Variants in BCAS3 observed in about 807,000 individuals in gnomAD.
The protein encoded by BCAS3 is BCAS4/BCAS3 fusion.
In BCAS3, 53 loss-of-function variants were observed where a neutral mutation model predicts 116.1. The observed-to-expected ratio is 0.46, with a 90% CI of 0.37 to 0.57. BCAS3 has a LOEUF of 0.57. Ranked by LOEUF, BCAS3 falls within the 20% of genes least tolerant of loss-of-function variation. The probability of loss-of-function intolerance (pLI) is 0.00; values close to 1 mark genes in which losing one functional copy is unlikely to be tolerated. For synonymous variants in BCAS3, 391 were observed against 408.2 expected (o/e 0.96, Z 0.51); for missense variants, 917 against 1,165.4 (o/e 0.79, Z 3.10).
Position 61,387,669 on chromosome 17 carries a change from A to G in BCAS3, c.2594-4308A>G, listed in dbSNP as rs2059925915. On this transcript the variant is annotated intron_variant, in intron 23 of 23. Coordinates refer to ENST00000407086, the MANE Select transcript of BCAS3 (RefSeq NM_017679.5). This position sits in a 1 kb window ranked among gnomAD's most constrained non-coding sequence, Gnocchi z 6.2. ...AACAGGCCCATTTCCAATATGAGCCAACAGGGAATGGCTCTCCAGCATGGG... is the reference window on the plus strand; with the variant it reads ...AACAGGCCCATTTCCAATATGAGCCGACAGGGAATGGCTCTCCAGCATGGG... Among the ~76,000 whole-genome samples the G allele has an allele frequency of 1.3e-5, 2 of 152,172 alleles. No individual in the cohort carries two copies. The highest frequency in any genetic ancestry group is 2.1e-4 in the South Asian group (1 of 4,828).
rs1313885131 is a variant in BCAS3, at chr17:61,118,912, C to G, written c.2425+34348C>G. On this transcript the variant is annotated intron_variant, in intron 22 of 23. Transcript: ENST00000407086. The surrounding 1 kb of genome is among the most constrained non-coding windows in gnomAD (Gnocchi z 5.0). ...TTCTTATTGCATACTAACACTACCC[C>G]CAAAATGCATTTTGCTTTTTAAATT... Among the ~76,000 whole-genome samples the G allele has an allele frequency of 1.3e-5, 2 of 151,938 alleles. No homozygotes were observed. Among genetic ancestry groups the G allele is most frequent in the East Asian group, 3.9e-4 (2 of 5,188 alleles).
intron 4 of BCAS3, 52 bp downstream of exon 4, chr17:60,689,813 ACCTGATTCC>A: frequency 8.1e-7 from 1 of 1,235,846 alleles, no homozygotes; most frequent in Admixed American, 1.9e-5. Context: ...TGTTTGGAGT[ACCTGATTCC>A]AAAAAGAGAG....
chr17:61,295,613 G>A (rs1262155138), intron 22 of BCAS3, among the ~76,000 whole-genome samples: 1 of 152,058 alleles, frequency 6.6e-6, no homozygotes, highest in Non-Finnish European at 1.5e-5. Flanking sequence ...TACCACTCAG[G>A]TCAAAAAACT....
intron 22 of BCAS3, among the ~76,000 whole-genome samples, chr17:61,191,361 A>C (rs2080100625): frequency 6.6e-6 from 1 of 152,220 alleles, no homozygotes; most frequent in African/African-American, 2.4e-5. Flanking sequence ...ATAGGACAAT[A>C]ATAAAACAAT....
At chr17:60,773,805 G>A (rs868766090) in intron 6 of BCAS3, among the ~76,000 whole-genome samples, 1 of 152,040 alleles carries the variant, frequency 6.6e-6, no homozygotes, top group Non-Finnish European at 1.5e-5. Flanking sequence ...ACGCCACCAT[G>A]CCTGGCTAAT....
chr17:61,052,383 T>C (rs1363371263), intron 19 of BCAS3, among the ~76,000 whole-genome samples: 1 of 152,176 alleles, frequency 6.6e-6, no homozygotes, highest in Non-Finnish European at 1.5e-5. Context: ...ATTTGGATCT[T>C]CTTTATATCT....
chr17:61,385,354 G>T (rs1410508553), intron 23 of BCAS3, among the ~76,000 whole-genome samples: 1 of 152,172 alleles, frequency 6.6e-6, no homozygotes, highest in African/African-American at 2.4e-5. Flanking sequence ...TGCATAGCTG[G>T]TCCTGTTTGC....
chr17:60,792,376 G>A (rs547445721), intron 6 of BCAS3, among the ~76,000 whole-genome samples: 1 of 152,312 alleles, frequency 6.6e-6, no homozygotes, highest in South Asian at 2.1e-4. Context: ...AGCAGTGGGT[G>A]AACCCCCCGC....
In BCAS3 at chr17:61,077,244, G is replaced by A. The variant is rs191842290; in HGVS notation, c.2131-1089G>A. Among the ~76,000 whole-genome samples, 87 of 152,198 alleles carry A rather than the reference G, an allele frequency of 5.7e-4. No individual in the cohort carries two copies. The highest frequency in any genetic ancestry group is 3.5e-3 in the South Asian group (17 of 4,822). The stretch of plus-strand genomic sequence containing the variant: ...TTTAATAAAGTATTGGCGGCCGGGC[G>A]CAGTGGCTCACGCCTGTAATCCCAG... On this transcript the variant is annotated intron_variant, in intron 20 of 23. Transcript: ENST00000407086. This position sits in a 1 kb window ranked among gnomAD's most constrained non-coding sequence, Gnocchi z 4.3.
chr17:60,960,697 C>G lies in BCAS3; in HGVS notation c.1221+13345C>G, dbSNP rs1471522539. ...TCATACATTTTATTGAAGGGTAGCA[C>G]AGGTTTGCACCTAGGTAGCTCTATC... is the stretch of plus-strand genomic sequence containing the variant. On this transcript the variant is annotated intron_variant, in intron 14 of 23. Coordinates refer to ENST00000407086, the MANE Select transcript of BCAS3 (RefSeq NM_017679.5). The surrounding 1 kb of genome is among the most constrained non-coding windows in gnomAD (Gnocchi z 4.1). 6.6e-6 allele frequency among the ~76,000 whole-genome samples: 1 copy of G among 151,988 alleles called. No individual in the cohort carries two copies. The highest frequency in any genetic ancestry group is 6.6e-5 in the Admixed American group (1 of 15,250).
intron 6 of BCAS3, among the ~76,000 whole-genome samples, chr17:60,781,962 CTTCTGTCAT>C (rs1426442464): frequency 6.6e-6 from 1 of 151,946 alleles, no homozygotes; most frequent in African/African-American, 2.4e-5. Flanking sequence ...TTCTTCCTGT[CTTCTGTCAT>C]TGTCCTCACC....
rs556001261 is a variant in BCAS3 at position 60,689,214 on chromosome 17, C to T, written c.139-472C>T. Among the ~76,000 whole-genome samples, 5 of 152,258 alleles carry T rather than the reference C, an allele frequency of 3.3e-5. 1 individual carries two copies. The South Asian group carries it at 1.0e-3, about 32-fold the overall frequency. On this transcript the variant is annotated intron_variant, in intron 3 of 23. Transcript: ENST00000407086. Reference sequence around the variant, plus strand: ...TGGGGGACAGAGTCTTGCTCAGTCGCCTAGGCTGGAGTGCGGTGGCACGAT... The same window carrying T: ...TGGGGGACAGAGTCTTGCTCAGTCGTCTAGGCTGGAGTGCGGTGGCACGAT...
chr17:60,887,939 A>G (rs1270372427), intron 9 of BCAS3, among the ~76,000 whole-genome samples: 1 of 152,214 alleles, frequency 6.6e-6, no homozygotes, highest in Non-Finnish European at 1.5e-5. Context: ...AATTCTTTTA[A>G]CATCCAGTTC....
chr17:60,726,107 C>A (rs532570560), intron 5 of BCAS3, among the ~76,000 whole-genome samples: 1 of 150,320 alleles, frequency 6.7e-6, no homozygotes, highest in East Asian at 2.0e-4. Flanking sequence ...GTTGGTCAGG[C>A]TGGTCTCGAA....
intron 4 of BCAS3, among the ~76,000 whole-genome samples, chr17:60,695,709 C>T (rs2035505187): frequency 6.6e-6 from 1 of 152,166 alleles, no homozygotes; most frequent in African/African-American, 2.4e-5. Context: ...TATGATCCTC[C>T]TGCCTTAGCC....
chr17:61,086,808 G>GTCCTT (rs2073128817), intron 22 of BCAS3: 1 of 985,254 alleles, frequency 1.0e-6, no homozygotes, highest in Admixed American at 6.2e-5. Flanking sequence ...CATAGATAAG[G>GTCCTT]AATTGGACTT....
rs900106469 is a variant in BCAS3, at chr17:60,936,501, C to G, written c.1088-10718C>G. Among the ~76,000 whole-genome samples, 10 of 152,206 alleles carry G rather than the reference C, an allele frequency of 6.6e-5. 1 individual carries two copies. The East Asian group carries it at 1.9e-3, about 29-fold the overall frequency. ...CAGTGTAAAAGTGTTCCTATTTCTC[C>G]ACATCCTCTCCAGCACCTGTTGTTT... On this transcript the variant is annotated intron_variant, in intron 13 of 23. Coordinates refer to ENST00000407086, the MANE Select transcript of BCAS3 (RefSeq NM_017679.5).
In BCAS3 at chr17:61,186,351, G is replaced by A. The variant is rs547297762; in HGVS notation, c.2425+101787G>A. On this transcript the variant is annotated intron_variant, in intron 22 of 23. Transcript: ENST00000407086. This position sits in a 1 kb window ranked among gnomAD's most constrained non-coding sequence, Gnocchi z 4.9. ...CTTAGCTGTTTTCACTAGTATATAC[G>A]TATAAATGTATACTGCTTAACGAAA... Among the ~76,000 whole-genome samples the A allele has an allele frequency of 4.6e-5, 7 of 152,112 alleles. No individual in the cohort carries two copies. In the South Asian group the frequency reaches 1.5e-3, roughly 32 times the overall value.
intron 7 of BCAS3, chr17:60,851,809 T>A: frequency 7.8e-7 from 1 of 1,287,022 alleles, no homozygotes; most frequent in Non-Finnish European, 1.1e-6. Flanking sequence ...GAGGAATATT[T>A]TTATCAACTA....
Sources: allele counts gnomAD v4.1 joint callset (sites outside exome capture counted in the v4.1 genomes callset), GRCh38; gene constraint gnomAD v4.1.1; non-coding constraint Gnocchi (gnomAD v3.1); transcripts MANE v1.5; gene names NCBI Gene and HGNC (gene_info 2026-07-23, HGNC 2026-07-21).